PTBP2: variants seen among roughly 807,000 people sequenced by gnomAD.
PTBP2 encodes polypyrimidine tract-binding protein 2.
PTBP2 carries 13 observed loss-of-function variants against 61.4 expected under a neutral mutation model. The ratio of observed to expected loss-of-function variants is 0.21; its 90% CI spans 0.14 to 0.34. The LOEUF (loss-of-function observed/expected upper bound fraction) is 0.34, where lower values mean the gene tolerates loss of function less well. Ranked by LOEUF, PTBP2 falls within the 10% of genes least tolerant of loss-of-function variation. The pLI, the probability that PTBP2 is intolerant of heterozygous loss-of-function variation, is 1.00. For synonymous variants in PTBP2, 215 were observed against 218.5 expected (o/e 0.98, Z 0.14); for missense variants, 405 against 642.6 (o/e 0.63, Z 4.00).
intron 3 of PTBP2, among the ~76,000 whole-genome samples, chr1:96,752,668 G>A (rs1654700859): frequency 6.6e-6 from 1 of 151,972 alleles, no homozygotes; most frequent in South Asian, 2.1e-4. Context: ...TTCTCTTTTT[G>A]TTTTTACAAT....
chr1:96,730,078 A>G (rs1651196404), intron 2 of PTBP2, among the ~76,000 whole-genome samples: 1 of 152,144 alleles, frequency 6.6e-6, no homozygotes. Context: ...TAGTGATGTC[A>G]GCTTTCTCAT....
chr1:96,780,472 T>C (rs1364774382), intron 7 of PTBP2, among the ~76,000 whole-genome samples: 1 of 152,070 alleles, frequency 6.6e-6, no homozygotes, highest in Non-Finnish European at 1.5e-5. Flanking sequence ...CCCAAATTGC[T>C]CTTCCTCAGC....
intron 8 of PTBP2, among the ~76,000 whole-genome samples, chr1:96,800,404 T>C (rs1405346581): frequency 5.9e-5 from 9 of 151,666 alleles, no homozygotes; most frequent in Non-Finnish European, 1.0e-4. Context: ...GCTTTTTTTT[T>C]TTTTTTTTTT....
At chr1:96,805,739 T>A (rs1661440496) in intron 9 of PTBP2, among the ~76,000 whole-genome samples, 2 of 152,218 alleles carry the variant, frequency 1.3e-5, no homozygotes, top group African/African-American at 4.8e-5. Context: ...AATACTATTA[T>A]CATTCACAGT....
At chr1:96,721,911 G>A (rs746639232) in intron 1 of PTBP2, 39 bp downstream of exon 1, 7 of 1,568,278 alleles carry the variant, frequency 4.5e-6, no homozygotes, top group Non-Finnish European at 6.1e-6. Flanking sequence ...GTGTGAGAGA[G>A]GAGTTGGACC....
chr1:96,762,374 G>T (rs1470242218), intron 3 of PTBP2, among the ~76,000 whole-genome samples: 15 of 150,404 alleles, frequency 1.0e-4, no homozygotes, highest in Non-Finnish European at 2.1e-4. Context: ...CTCCCGGATG[G>T]GGCGGCTGGC....
intron 3 of PTBP2, among the ~76,000 whole-genome samples, chr1:96,756,675 G>A (rs1204697526): frequency 6.6e-6 from 1 of 152,052 alleles, no homozygotes; most frequent in African/African-American, 2.4e-5. Context: ...AATAAAAGAA[G>A]CCACTCTGAA....
At chr1:96,778,152 G>GTTTCTATTA (rs1449713953) in intron 7 of PTBP2, among the ~76,000 whole-genome samples, 1 of 147,874 alleles carries the variant, frequency 6.8e-6, no homozygotes, top group Non-Finnish European at 1.5e-5. Context: ...CATGATGTGG[G>GTTTCTATTA]TTTCTATTAT....
At chr1:96,779,286 T>C (rs979681745) in intron 7 of PTBP2, among the ~76,000 whole-genome samples, 1 of 152,090 alleles carries the variant, frequency 6.6e-6, no homozygotes, top group East Asian at 1.9e-4. Context: ...AAGTCATGGT[T>C]TCTGTGACAT....
intron 7 of PTBP2, among the ~76,000 whole-genome samples, chr1:96,780,968 G>T (rs1658590774): frequency 6.6e-6 from 1 of 151,876 alleles, no homozygotes; most frequent in Admixed American, 6.6e-5. Flanking sequence ...AATTTTTGTT[G>T]AATCTGGCCT....
At chr1:96,742,989 A>G (rs1444162309) in intron 2 of PTBP2, among the ~76,000 whole-genome samples, 1 of 152,060 alleles carries the variant, frequency 6.6e-6, no homozygotes, top group Non-Finnish European at 1.5e-5. Flanking sequence ...AGTCATCTGT[A>G]CAATTTCCAC....
exon 14 of PTBP2, chr1:96,823,472 C>A (rs1198549124): frequency 2.0e-5 from 3 of 151,930 alleles, no homozygotes; most frequent in African/African-American, 7.3e-5. Flanking sequence ...AAGCAAAAAC[C>A]CCTTTATAAA....
chr1:96,794,898 A>G (rs1461780708), intron 8 of PTBP2, among the ~76,000 whole-genome samples: 1 of 152,232 alleles, frequency 6.6e-6, no homozygotes, highest in Non-Finnish European at 1.5e-5. Flanking sequence ...AATTGAAAAA[A>G]TATGAAAGGC....
At chr1:96,726,276 T>C (rs2100782365) in intron 2 of PTBP2, among the ~76,000 whole-genome samples, 1 of 132,512 alleles carries the variant, frequency 7.5e-6, no homozygotes, top group African/African-American at 2.7e-5. Context: ...ACATCTTGCC[T>C]TTTTTTTTTT....
chr1:96,811,719 A>G lies in PTBP2; in HGVS notation c.1172-993A>G, dbSNP rs1336928360. ...GCGTGAGCCAACGCGCCCGGCATCT[A>G]CTGTTAATACTTTATTATCTAGTTG... On this transcript the variant is annotated intron_variant, in intron 11 of 13. Coordinates refer to ENST00000674951, the MANE Select transcript of PTBP2 (RefSeq NM_021190.4). Among the ~76,000 whole-genome samples the G allele has an allele frequency of 2.0e-5, 3 of 152,274 alleles. No homozygotes were observed. In the East Asian group the frequency reaches 5.8e-4, roughly 29 times the overall value.
At chr1:96,807,312 T>C (rs1275757876) in intron 11 of PTBP2, among the ~76,000 whole-genome samples, 2 of 152,206 alleles carry the variant, frequency 1.3e-5, no homozygotes, top group Non-Finnish European at 2.9e-5. Flanking sequence ...ATAGAATCCT[T>C]CTTAATGCCA....
At chr1:96,823,625 A>G (rs1662752806) in exon 14 of PTBP2, 1 of 152,216 alleles carries the variant, frequency 6.6e-6, no homozygotes, top group Admixed American at 6.5e-5. Context: ...GTGACCAACA[A>G]AGAAACAGAT....
intron 8 of PTBP2, among the ~76,000 whole-genome samples, chr1:96,791,952 G>C (rs1436739791): frequency 6.7e-6 from 1 of 149,790 alleles, no homozygotes; most frequent in African/African-American, 2.5e-5. Context: ...TCCTGCCTCA[G>C]CCTCCCAAGT....
intron 2 of PTBP2, among the ~76,000 whole-genome samples, chr1:96,736,167 C>T (rs1652141799): frequency 2.0e-5 from 3 of 152,162 alleles, no homozygotes; most frequent in South Asian, 4.1e-4. Flanking sequence ...CATTCTGCCT[C>T]CAAAAAAGCA....
Sources: gnomAD v4.1 joint callset for allele counts (sites outside exome capture counted in the v4.1 genomes callset) on GRCh38, gnomAD v4.1.1 for gene constraint, MANE v1.5 for transcripts, NCBI Gene and HGNC (gene_info 2026-07-23, HGNC 2026-07-21) for gene names.